EXOC6: variants seen among roughly 807,000 people sequenced by gnomAD.
EXOC6 encodes SEC15-like 1.
Under a neutral mutation model 112.5 loss-of-function variants are expected in EXOC6, and 60 were observed. That is an observed-to-expected ratio of 0.53 (90% CI 0.43 to 0.66). The LOEUF (loss-of-function observed/expected upper bound fraction) is 0.66. EXOC6 is among the 30% of genes least tolerant of loss of function. EXOC6 has a pLI of 0.00. For missense variants in EXOC6, 855 were observed against 957.1 expected (o/e 0.89, Z 1.41); for synonymous variants, 295 against 308.0 (o/e 0.96, Z 0.44).
At chr10:92,859,936 G>A (rs1344347231) in intron 1 of EXOC6, among the ~76,000 whole-genome samples, 1 of 151,908 alleles carries the variant, frequency 6.6e-6, no homozygotes, top group African/African-American at 2.4e-5. Flanking sequence ...ACAACTGTGA[G>A]TCCTTAGCAG....
At chr10:92,878,788 C>G (rs890966889) in intron 1 of EXOC6, among the ~76,000 whole-genome samples, 7 of 152,068 alleles carry the variant, frequency 4.6e-5, no homozygotes, top group African/African-American at 1.7e-4. Flanking sequence ...TTTTTTTAAG[C>G]CAGGTTTTTC....
At chr10:92,848,731 CT>C (rs1564768784) in intron 1 of EXOC6, 97 bp downstream of exon 1, 1 of 1,021,260 alleles carries the variant, frequency 9.8e-7, no homozygotes, top group African/African-American at 1.7e-5. Context: ...GCGCGCGAAG[CT>C]CCCCGACAGG....
chr10:93,039,700 C>G (rs559059479), intron 20 of EXOC6, among the ~76,000 whole-genome samples: 3 of 152,324 alleles, frequency 2.0e-5, no homozygotes, highest in Admixed American at 2.0e-4. Context: ...CACTTCCTTA[C>G]TCTACTCCTT....
chr10:92,991,767 G>A (rs1168530839), intron 18 of EXOC6, among the ~76,000 whole-genome samples: 2 of 151,714 alleles, frequency 1.3e-5, no homozygotes, highest in East Asian at 1.9e-4. Context: ...ATGTGTGTGT[G>A]TCTTAAGAGT....
At chr10:92,905,914 C>T (rs879561876) in intron 5 of EXOC6, among the ~76,000 whole-genome samples, 28 of 152,068 alleles carry the variant, frequency 1.8e-4, no homozygotes, top group Non-Finnish European at 3.7e-4. Flanking sequence ...CCTGCTGAAC[C>T]TGTCAATTAT....
chr10:92,899,272 A>G (rs1187603149), intron 4 of EXOC6, among the ~76,000 whole-genome samples: 1 of 152,188 alleles, frequency 6.6e-6, no homozygotes, highest in Non-Finnish European at 1.5e-5. Context: ...GGGAAGAAAT[A>G]TTAGTAGTTT....
Position 92,974,185 on chromosome 10 carries a change from C to A in EXOC6, c.1906C>A (p.Leu636Ile). 6.3e-7 allele frequency: 1 copy of A among 1,580,358 alleles called. No individual in the cohort carries two copies. Residue 636 changes from leucine (L) to isoleucine (I), a missense_variant, in exon 18 of 22, where the codon CTT becomes ATT. Physicochemically the swap from Leu to Ile is conservative, Grantham distance 5. Around this residue, in one of 2 missense-constraint regions of EXOC6, gnomAD observed 450 missense variants for 563.5 expected, o/e 0.80. Coordinates refer to ENST00000260762, the MANE Select transcript of EXOC6 (RefSeq NM_019053.6). ...AAGAGCTAGTGGTTATTTAATGGAC[C>A]TTATAAATTTTTTGAGAAGCATCTT... ...DGRASGYLMD[L>I]INFLRSIFQV...
rs2133995993 is a variant in EXOC6 at position 92,948,299 on chromosome 10, A to C, written c.1336A>C (p.Ser446Arg). ...FRDIFEEDNY[S>R]PIPVVNEEEY... ...GGACATTTTTGAAGAAGATAATTAC[A>C]GCCCCATCCCTGTTGTCAATGAAGA... Residue 446 changes from serine (S) to arginine (R), a missense_variant, in exon 14 of 22, where the codon AGC (serine) becomes CGC (arginine). Transcript: ENST00000260762. The C allele has an allele frequency of 6.2e-7, 1 of 1,608,580 alleles. No individual in the cohort carries two copies. Among genetic ancestry groups the C allele is most frequent in the South Asian group, 1.1e-5 (1 of 89,852 alleles).
chr10:92,938,379 T>G (rs567752610), intron 12 of EXOC6, among the ~76,000 whole-genome samples: 1 of 152,268 alleles, frequency 6.6e-6, no homozygotes, highest in East Asian at 1.9e-4. Context: ...TTATACTGAA[T>G]TAATGATTGC....
chr10:92,896,170 TA>T (rs1564809991), intron 4 of EXOC6, among the ~76,000 whole-genome samples: 6 of 30,010 alleles, frequency 2.0e-4, no homozygotes, highest in African/African-American at 4.6e-4. Context: ...TATATATATA[TA>T]TATATATATA....
chr10:93,002,487 A>C (rs1843799435), intron 19 of EXOC6, among the ~76,000 whole-genome samples: 1 of 152,154 alleles, frequency 6.6e-6, no homozygotes, highest in Non-Finnish European at 1.5e-5. Flanking sequence ...CTTGGGCCCC[A>C]CCTGCTGAAT....
intron 19 of EXOC6, among the ~76,000 whole-genome samples, chr10:93,007,288 ATTT>A (rs58873245): frequency 0.12 from 17,946 of 150,262 alleles, 1,304 homozygotes; most frequent in African/African-American, 0.2. Context: ...CTACTCAAAA[ATTT>A]TTTTTTTTTT....
At chr10:92,865,864 G>T (rs987616876) in intron 1 of EXOC6, among the ~76,000 whole-genome samples, 1 of 152,040 alleles carries the variant, frequency 6.6e-6, no homozygotes, top group Non-Finnish European at 1.5e-5. Flanking sequence ...GTAAGTGAGA[G>T]AAAAGAAAAT....
At chr10:92,992,144 C>G (rs1278919641) in intron 18 of EXOC6, among the ~76,000 whole-genome samples, 1 of 151,780 alleles carries the variant, frequency 6.6e-6, no homozygotes, top group African/African-American at 2.4e-5. Context: ...CAAAAATTAG[C>G]CGGGCATGAT....
rs1847160248 is a variant in EXOC6 at position 92,848,621 on chromosome 10, G to T, written c.88G>T (p.Gly30Trp). The part of the protein sequence containing the change: ...EIESTDTACV[G>W]PTLRSVYDDQ... ...CGAGAGCACCGACACCGCCTGTGTGGGGCCCACCCTCCGGTAAAGATCTCA... is the reference window on the plus strand; with the variant it reads ...CGAGAGCACCGACACCGCCTGTGTGTGGCCCACCCTCCGGTAAAGATCTCA... Residue 30 changes from glycine to tryptophan, a missense_variant, in exon 1 of 22, where the codon GGG (glycine) becomes TGG (tryptophan). This residue lies in a region of EXOC6 where 405 missense variants were observed against 393.6 expected (regional missense o/e 1.03). Coordinates refer to ENST00000260762, the MANE Select transcript of EXOC6 (RefSeq NM_019053.6). The T allele has an allele frequency of 7.0e-7, 1 of 1,436,434 alleles. No homozygotes were observed. The allele number at this position is 1,436,434 out of a possible 1,614,324, so 89.0% of individuals were successfully genotyped here. A position where few individuals can be genotyped will look rare whatever the true frequency, so the allele number is the denominator to read the frequency against.
chr10:92,976,971 A>G (rs114578571), intron 18 of EXOC6, among the ~76,000 whole-genome samples: 1,624 of 152,360 alleles, frequency 0.011, 32 homozygotes, highest in African/African-American at 0.037. Flanking sequence ...TCCAGAAATA[A>G]TAAAACTGTT....
In EXOC6 at chr10:92,943,748, T is replaced by C. The variant is rs144628167; in HGVS notation, c.1310+2924T>C. Among the ~76,000 whole-genome samples the C allele has an allele frequency of 3.2e-3, 494 of 152,204 alleles. 7 individuals are homozygous for C. Among genetic ancestry groups the C allele is most frequent in the African/African-American group, 0.011 (466 of 41,534 alleles). ...AGTGGTGCAAACATTTAAAATCTAC[T>C]GTTGGCAATTTGAAATATATGTTAC... On this transcript the variant is annotated intron_variant, in intron 13 of 21. Transcript: ENST00000260762.
chr10:93,005,704 T>C (rs1318557293), intron 19 of EXOC6, among the ~76,000 whole-genome samples: 1 of 152,110 alleles, frequency 6.6e-6, no homozygotes, highest in Non-Finnish European at 1.5e-5. Flanking sequence ...CTAAGTTAGG[T>C]TATTAGCTCC....
intron 1 of EXOC6, among the ~76,000 whole-genome samples, chr10:92,857,812 G>C: frequency 6.6e-6 from 1 of 151,992 alleles, no homozygotes; most frequent in East Asian, 1.9e-4. Context: ...TGGTCTGTGT[G>C]TCTGTGTGTG....
Sources: allele counts gnomAD v4.1 joint callset (sites outside exome capture counted in the v4.1 genomes callset), GRCh38; gene constraint gnomAD v4.1.1; regional missense constraint gnomAD v4.1.1; transcripts MANE v1.5; gene names NCBI Gene and HGNC (gene_info 2026-07-23, HGNC 2026-07-21).